Variants in REDIC1 observed in about 807,000 individuals in gnomAD.
The protein encoded by REDIC1 is regulator of DNA class I crossover intermediates 1.
chr12:39,872,089 C>T, the REDIC1 span: 1 of 657,838 alleles, frequency 1.5e-6, no homozygotes, highest in Non-Finnish European at 2.3e-6. Context: ...ATCAAATTAA[C>T]GTGGGAATTC....
At chr12:39,824,661 T>C in the REDIC1 span, among the ~76,000 whole-genome samples, 6 of 152,282 alleles carry the variant, frequency 3.9e-5, no homozygotes, top group East Asian at 1.2e-3. Context: ...AAGTGGCACA[T>C]AGTGTCAGCC....
the REDIC1 span, chr12:39,691,929 T>C: frequency 1.2e-6 from 1 of 856,502 alleles, no homozygotes; most frequent in Non-Finnish European, 1.7e-6. Flanking sequence ...TAAACCATGT[T>C]GAACTGAAGT....
chr12:39,742,658 T>C, the REDIC1 span, among the ~76,000 whole-genome samples: 2 of 152,110 alleles, frequency 1.3e-5, no homozygotes, highest in Admixed American at 6.5e-5. Context: ...CGTAAAAAAG[T>C]GTTGTGTTTA....
At chr12:39,856,361 T>C in the REDIC1 span, among the ~76,000 whole-genome samples, 1 of 152,094 alleles carries the variant, frequency 6.6e-6, no homozygotes, top group Non-Finnish European at 1.5e-5. Context: ...TGCTATGCTT[T>C]ATTTTATTTA....
chr12:39,797,887 G>C, the REDIC1 span, among the ~76,000 whole-genome samples: 2 of 152,060 alleles, frequency 1.3e-5, no homozygotes, highest in Admixed American at 1.3e-4. Context: ...ATCTTCATTA[G>C]GGGCTGTGGG....
chr12:39,794,949 T>C, the REDIC1 span, among the ~76,000 whole-genome samples: 2 of 152,178 alleles, frequency 1.3e-5, no homozygotes, highest in African/African-American at 4.8e-5. Context: ...TCCTTAGCTG[T>C]TTTTTAAGAT....
At chr12:39,670,885 C>G in the REDIC1 span, among the ~76,000 whole-genome samples, 1 of 151,768 alleles carries the variant, frequency 6.6e-6, no homozygotes, top group Non-Finnish European at 1.5e-5. Context: ...ATTTCCAGGA[C>G]TTCTTTTTTG....
the REDIC1 span, among the ~76,000 whole-genome samples, chr12:39,905,822 G>GAA: frequency 0.098 from 14,275 of 145,360 alleles, 828 homozygotes; most frequent in Middle Eastern, 0.12. Context: ...AAAATGCCCA[G>GAA]AAAAAAAAAA....
chr12:39,824,312 G>A, the REDIC1 span, among the ~76,000 whole-genome samples: 356 of 152,256 alleles, frequency 2.3e-3, 2 homozygotes, highest in Admixed American at 0.022. Flanking sequence ...CTTAGATACC[G>A]ACTGATATTG....
At chr12:39,732,708 A>AT in the REDIC1 span, among the ~76,000 whole-genome samples, 2 of 152,202 alleles carry the variant, frequency 1.3e-5, no homozygotes, top group Admixed American at 1.3e-4. Context: ...GATGAGTATT[A>AT]TTTTTTCTTA....
the REDIC1 span, among the ~76,000 whole-genome samples, chr12:39,672,813 C>T: frequency 6.6e-6 from 1 of 152,208 alleles, no homozygotes; most frequent in Admixed American, 6.5e-5. Context: ...TATGTAGATG[C>T]AAGGGTTTTT....
chr12:39,881,327 T>C, the REDIC1 span, among the ~76,000 whole-genome samples: 20 of 151,506 alleles, frequency 1.3e-4, no homozygotes, highest in Admixed American at 9.8e-4. Flanking sequence ...GTGGTTTATG[T>C]TAAAAAAAAA....
At chr12:39,637,717 T>G in the REDIC1 span, among the ~76,000 whole-genome samples, 7 of 152,100 alleles carry the variant, frequency 4.6e-5, no homozygotes, top group Non-Finnish European at 8.8e-5. Flanking sequence ...TGTGGAATGC[T>G]TTTAGCAATG....
At chr12:39,631,315 G>A in the REDIC1 span, among the ~76,000 whole-genome samples, 3 of 152,126 alleles carry the variant, frequency 2.0e-5, no homozygotes, top group African/African-American at 4.8e-5. Context: ...GAAGCTCTTA[G>A]TAAATTATAA....
the REDIC1 span, among the ~76,000 whole-genome samples, chr12:39,712,829 A>C: frequency 7.1e-6 from 1 of 141,028 alleles, no homozygotes; most frequent in Non-Finnish European, 1.6e-5. Flanking sequence ...GTGTGTATGT[A>C]TATACATATA....
chr12:39,692,298 A>G, the REDIC1 span: 1 of 473,896 alleles, frequency 2.1e-6, no homozygotes, highest in Non-Finnish European at 3.5e-6. Context: ...ACATGAGTAC[A>G]TTAATGTATA....
the REDIC1 span, among the ~76,000 whole-genome samples, chr12:39,841,539 T>C: frequency 7.2e-5 from 11 of 152,216 alleles, no homozygotes; most frequent in Non-Finnish European, 1.6e-4. Flanking sequence ...TAAGATAACA[T>C]GTATATAAAT....
At chr12:39,835,011 T>G in the REDIC1 span, among the ~76,000 whole-genome samples, 11 of 152,112 alleles carry the variant, frequency 7.2e-5, no homozygotes, top group Non-Finnish European at 5.9e-5. Flanking sequence ...TCTTTAAGCC[T>G]TTCTTGAACG....
chr12:39,626,359 G>C, the REDIC1 span: 4 of 1,614,044 alleles, frequency 2.5e-6, no homozygotes, highest in Non-Finnish European at 2.5e-6. Flanking sequence ...GGGGGGTCCC[G>C]GTAAGTTGTG....
Sources: allele counts gnomAD v4.1 joint callset (sites outside exome capture counted in the v4.1 genomes callset), GRCh38; gene constraint gnomAD v4.1.1; transcripts MANE v1.5; gene names NCBI Gene and HGNC (gene_info 2026-07-23, HGNC 2026-07-21).